PPARA: variants seen among roughly 807,000 people sequenced by gnomAD.
The protein encoded by PPARA is peroxisome proliferator activated receptor alpha.
PPARA carries 22 observed loss-of-function variants against 42.2 expected under a neutral mutation model. The ratio of observed to expected loss-of-function variants is 0.52; its 90% CI spans 0.37 to 0.74. PPARA has a LOEUF of 0.74. Among genes scored for constraint, PPARA ranks in the 30% least tolerant of loss-of-function variants. PPARA has a pLI of 0.00. For synonymous variants in PPARA, 242 were observed against 239.3 expected (o/e 1.01, Z -0.10); for missense variants, 465 against 608.2 (o/e 0.76, Z 2.48).
At chr22:46,202,460 G>A (rs746547796) in intron 4 of PPARA, among the ~76,000 whole-genome samples, 1 of 151,734 alleles carries the variant, frequency 6.6e-6, no homozygotes, top group Non-Finnish European at 1.5e-5. Flanking sequence ...AAAGCAGGCC[G>A]GGCACGGTGG....
At chr22:46,210,100 G>A (rs58611218) in intron 4 of PPARA, among the ~76,000 whole-genome samples, 2,765 of 151,824 alleles carry the variant, frequency 0.018, 87 homozygotes, top group African/African-American at 0.064. Flanking sequence ...ATCTGAGGTC[G>A]GGAGTTCGAG....
At position 46,227,154 on chromosome 22, in the gene PPARA, T is replaced by TTTTTTTTTTTTTTTTTTTTTTTGAGACGG. The variant is rs1555959736; in HGVS notation, c.712-4638_712-4637insTTTTTTTTTTTTTTTTTTTTTTGAGACGG. On this transcript the variant is annotated intron_variant, in intron 7 of 8. Coordinates refer to ENST00000407236, the MANE Select transcript of PPARA (RefSeq NM_005036.6). The surrounding 1 kb of genome is among the most constrained non-coding windows in gnomAD (Gnocchi z 4.3). Reference sequence around the variant, plus strand: ...AGATTAAAAAATGTGCTTCATATTTTATGCCATTTCTACAAATGTATAGTA... The same window carrying TTTTTTTTTTTTTTTTTTTTTTTGAGACGG: ...AGATTAAAAAATGTGCTTCATATTTTTTTTTTTTTTTTTTTTTTTTTTGAGACGGATGCCATTTCTACAAATGTATAGTA... Among the ~76,000 whole-genome samples the TTTTTTTTTTTTTTTTTTTTTTTGAGACGG allele has an allele frequency of 6.6e-6, 1 of 151,480 alleles. No homozygotes were observed. The highest frequency in any genetic ancestry group is 2.4e-5 in the African/African-American group (1 of 40,898).
At chr22:46,175,076 T>A (rs1928822792) in intron 2 of PPARA, among the ~76,000 whole-genome samples, 1 of 151,844 alleles carries the variant, frequency 6.6e-6, no homozygotes, top group Non-Finnish European at 1.5e-5. Context: ...ACCTGGCTCG[T>A]TTTTATATTT....
In PPARA at chr22:46,212,824, T is replaced by A. The variant is rs1934070852; in HGVS notation, c.209-2349T>A. On this transcript the variant is annotated intron_variant, in intron 4 of 8. Coordinates refer to ENST00000407236, the MANE Select transcript of PPARA (RefSeq NM_005036.6). This position sits in a 1 kb window ranked among gnomAD's most constrained non-coding sequence, Gnocchi z 4.2. ...CAGCCTGGCCAACATGGTGAAACGCTGTCTCTACTAAAAATACAAAAATTA... is the reference window on the plus strand; with the variant it reads ...CAGCCTGGCCAACATGGTGAAACGCAGTCTCTACTAAAAATACAAAAATTA... Among the ~76,000 whole-genome samples, 1 of 152,078 alleles carries A rather than the reference T, an allele frequency of 6.6e-6. No homozygotes were observed. Among genetic ancestry groups the A allele is most frequent in the African/African-American group, 2.4e-5 (1 of 41,426 alleles).
chr22:46,181,421 C>T (rs1929946507), intron 3 of PPARA, among the ~76,000 whole-genome samples: 2 of 152,092 alleles, frequency 1.3e-5, no homozygotes, highest in South Asian at 2.1e-4. Context: ...TAAGCAGCAC[C>T]TGAAACTTCC....
At position 46,225,080 on chromosome 22, in the gene PPARA, A is replaced by C. The variant is rs1325233000; in HGVS notation, c.711+5066A>C. ...GGTGCACGGAGGAGGCTGTGGGGGCAGGGGGAGGCCGCTGCATGGAGCCGC... is the reference window on the plus strand; with the variant it reads ...GGTGCACGGAGGAGGCTGTGGGGGCCGGGGGAGGCCGCTGCATGGAGCCGC... On this transcript the variant is annotated intron_variant, in intron 7 of 8. Transcript: ENST00000407236. The surrounding 1 kb of genome is among the most constrained non-coding windows in gnomAD (Gnocchi z 4.1). Among the ~76,000 whole-genome samples the C allele has an allele frequency of 6.6e-6, 1 of 151,556 alleles. No homozygotes were observed. The highest frequency in any genetic ancestry group is 6.6e-5 in the Admixed American group (1 of 15,232).
Position 46,219,052 on chromosome 22 carries a change from C to T in PPARA, c.508+651C>T, listed in dbSNP as rs1364269765. On this transcript the variant is annotated intron_variant, in intron 6 of 8. Coordinates refer to ENST00000407236, the MANE Select transcript of PPARA (RefSeq NM_005036.6). This position sits in a 1 kb window ranked among gnomAD's most constrained non-coding sequence, Gnocchi z 4.8. The stretch of plus-strand genomic sequence containing the variant: ...TAGTGCACACCTGTAATCCCAGCTA[C>T]TTGGGAGGATGAGACAGGAGAATAG... Among the ~76,000 whole-genome samples the T allele has an allele frequency of 1.3e-5, 2 of 150,388 alleles. No homozygotes were observed. The highest frequency in any genetic ancestry group is 2.5e-5 in the African/African-American group (1 of 40,794).
At chr22:46,218,432 G>T in intron 6 of PPARA, 31 bp downstream of exon 6, 17 of 1,613,884 alleles carry the variant, frequency 1.1e-5, no homozygotes, top group Non-Finnish European at 1.4e-5. Context: ...CATTTTCCCA[G>T]TTCGTTCCTC....
In PPARA at chr22:46,235,303, G is replaced by A. The variant is rs770745937; in HGVS notation, c.1330G>A (p.Val444Met). The change falls in exon 9 of 9, where the codon GTG (valine) becomes ATG (methionine). Residue 444 changes from valine (V) to methionine (M), a missense_variant. By Grantham distance (21) the Val-to-Met change is conservative. Around this residue, in one of 2 missense-constraint regions of PPARA, gnomAD observed 313 missense variants for 469.1 expected, o/e 0.67. Coordinates refer to ENST00000407236, the MANE Select transcript of PPARA (RefSeq NM_005036.6). This position sits in a 1 kb window ranked among gnomAD's most constrained non-coding sequence, Gnocchi z 7.0. ...GCTGGTGACGGAGCATGCGCAGCTG[G>A]TGCAGATCATCAAGAAGACGGAGTC... ...RQLVTEHAQLVQIIKKTESDA... is the reference protein window; with the variant it reads ...RQLVTEHAQLMQIIKKTESDA... 5 of 1,613,980 alleles carry A rather than the reference G, an allele frequency of 3.1e-6. No homozygotes were observed. The African/African-American group carries it at 6.7e-5, about 22-fold the overall frequency.
rs1255628047 is a variant in PPARA, at chr22:46,243,227, G to C, written c.*7847G>C. Reference sequence around the variant, plus strand: ...ATTAGGCTAAAACCCTAAGAGAGAGGGTTGACAGAAACACACGCGAGAATG... The same window carrying C: ...ATTAGGCTAAAACCCTAAGAGAGAGCGTTGACAGAAACACACGCGAGAATG... On this transcript the variant is annotated 3_prime_UTR_variant, in exon 9 of 9. Coordinates refer to ENST00000407236, the MANE Select transcript of PPARA (RefSeq NM_005036.6). This position sits in a 1 kb window ranked among gnomAD's most constrained non-coding sequence, Gnocchi z 5.0. 4 of 152,198 alleles carry C rather than the reference G, an allele frequency of 2.6e-5. No individual in the cohort carries two copies. The highest frequency in any genetic ancestry group is 9.7e-5 in the African/African-American group (4 of 41,434). The allele number at this position is 152,198 out of a possible 1,614,324, so 9.4% of individuals were successfully genotyped here.
rs1019713906 is a variant in PPARA at position 46,222,635 on chromosome 22, C to T, written c.711+2621C>T. 1.3e-5 allele frequency among the ~76,000 whole-genome samples: 2 copies of T among 152,160 alleles called. No homozygotes were observed. The highest frequency in any genetic ancestry group is 2.4e-5 in the African/African-American group (1 of 41,438). The stretch of plus-strand genomic sequence containing the variant: ...TGAAAGAAAAGGTAACTTTTAGCTT[C>T]GAGTCTCTATCCTGGATATGATTAG... On this transcript the variant is annotated intron_variant, in intron 7 of 8. Coordinates refer to ENST00000407236, the MANE Select transcript of PPARA (RefSeq NM_005036.6). This position sits in a 1 kb window ranked among gnomAD's most constrained non-coding sequence, Gnocchi z 5.9.
At chr22:46,220,197 T>C in intron 7 of PPARA, 183 bp downstream of exon 7, 1 of 755,074 alleles carries the variant, frequency 1.3e-6, no homozygotes, top group Non-Finnish European at 2.2e-6. Flanking sequence ...ACAACTCCTT[T>C]CTTCTTGCTT....
chr22:46,207,923 A>T (rs1339080130), intron 4 of PPARA, among the ~76,000 whole-genome samples: 2 of 151,602 alleles, frequency 1.3e-5, no homozygotes, highest in Non-Finnish European at 2.9e-5. Context: ...GGCCTCAAGC[A>T]ATCCTCCTAC....
At position 46,171,192 on chromosome 22, in the gene PPARA, C is replaced by T. The variant is rs1927981689; in HGVS notation, c.-126-5561C>T. The T allele has an allele frequency of 6.6e-6, 1 of 152,476 alleles. No homozygotes were observed. The highest frequency in any genetic ancestry group is 2.4e-5 in the African/African-American group (1 of 41,394). 9.4% of individuals were successfully genotyped at this position (152,476 alleles called of 1,614,324 possible). ...AAAGAAAAAAAAAAAGTACAGAGTC[C>T]AGGAAGCCTGGGGTGGGGCTGGCAG... On this transcript the variant is annotated intron_variant, in intron 2 of 8. Transcript: ENST00000407236. This position sits in a 1 kb window ranked among gnomAD's most constrained non-coding sequence, Gnocchi z 5.0.
chr22:46,159,782 G>C (rs1925874743), intron 2 of PPARA, among the ~76,000 whole-genome samples: 1 of 152,232 alleles, frequency 6.6e-6, no homozygotes, highest in Non-Finnish European at 1.5e-5. Flanking sequence ...GAGGCATGAA[G>C]GGGAGAGGGT....
rs575149167 is a variant in PPARA, at chr22:46,231,965, A to C, written c.885A>C (p.Pro295=). ...TELTEFAKAI[P]GFANLDLNDQ... is the part of the protein sequence containing the mutation. ...TCACGGAATTCGCCAAGGCCATCCCAGGCTTCGCAAACTTGGACCTGAACG... is the reference window on the plus strand; with the variant it reads ...TCACGGAATTCGCCAAGGCCATCCCCGGCTTCGCAAACTTGGACCTGAACG... Residue 295 remains proline (P), a synonymous_variant, in exon 8 of 9, where the codon CCA becomes CCC. Coordinates refer to ENST00000407236, the MANE Select transcript of PPARA (RefSeq NM_005036.6). This position sits in a 1 kb window ranked among gnomAD's most constrained non-coding sequence, Gnocchi z 7.7. 6.2e-7 allele frequency: 1 copy of C among 1,614,240 alleles called. No homozygotes were observed. The highest frequency in any genetic ancestry group is 1.1e-5 in the South Asian group (1 of 91,084).
chr22:46,219,760 G>A lies in PPARA; in HGVS notation c.509-52G>A, dbSNP rs368912800. ...GGGAGCCCCTCGTCCAGCCCTGTCC[G>A]CGCAGTCATGACCTCACTGCTCATG... is the stretch of plus-strand genomic sequence containing the variant. On this transcript the variant is annotated intron_variant, in intron 6 of 8. Transcript: ENST00000407236. This position sits in a 1 kb window ranked among gnomAD's most constrained non-coding sequence, Gnocchi z 4.8. 93 of 1,577,778 alleles carry A rather than the reference G, an allele frequency of 5.9e-5. 2 individuals are homozygous for A. The highest frequency in any genetic ancestry group is 5.1e-4 in the African/African-American group (38 of 74,160).
intron 3 of PPARA, among the ~76,000 whole-genome samples, chr22:46,186,293 T>G (rs1930794556): frequency 6.6e-6 from 1 of 152,112 alleles, no homozygotes; most frequent in Non-Finnish European, 1.5e-5. Flanking sequence ...TTGTAAGGTC[T>G]CACATAAATC....
chr22:46,217,146 A>G (rs1569237724), intron 5 of PPARA, among the ~76,000 whole-genome samples: 1 of 152,022 alleles, frequency 6.6e-6, no homozygotes, highest in South Asian at 2.1e-4. Flanking sequence ...TTCTAACCCC[A>G]TGCGTTCCTC....
Sources: gnomAD v4.1 joint callset for allele counts (sites outside exome capture counted in the v4.1 genomes callset) on GRCh38, gnomAD v4.1.1 for gene constraint, gnomAD v4.1.1 regional missense constraint, Gnocchi (gnomAD v3.1) non-coding constraint, MANE v1.5 for transcripts, NCBI Gene and HGNC (gene_info 2026-07-23, HGNC 2026-07-21) for gene names.